NIM1K: variants seen among roughly 807,000 people sequenced by gnomAD.
NIM1K encodes the protein NIM1 serine/threonine protein kinase, also known as serine/threonine-protein kinase NIM1.
Under a neutral mutation model 37.1 loss-of-function variants are expected in NIM1K, and 35 were observed. That is an observed-to-expected ratio of 0.94 (90% CI 0.72 to 1.25). The LOEUF is 1.25. NIM1K is among the 50% of genes most tolerant of loss of function. NIM1K has a pLI of 0.00. For synonymous variants in NIM1K, 234 were observed against 206.6 expected (o/e 1.13, Z -1.14); for missense variants, 564 against 548.0 (o/e 1.03, Z -0.29).
intron 1 of NIM1K, among the ~76,000 whole-genome samples, chr5:43,236,789 G>A (rs1230991164): frequency 1.3e-5 from 2 of 152,240 alleles, no homozygotes; most frequent in Non-Finnish European, 2.9e-5. Context: ...AACTGGATGA[G>A]GGTAGACCTG....
intron 1 of NIM1K, among the ~76,000 whole-genome samples, chr5:43,223,245 T>C (rs1206970517): frequency 6.6e-6 from 1 of 152,072 alleles, no homozygotes; most frequent in Non-Finnish European, 1.5e-5. Context: ...CCTCCCTGCC[T>C]GGGCTTGAAT....
At chr5:43,232,049 C>T in intron 1 of NIM1K, 1 of 1,015,306 alleles carries the variant, frequency 9.8e-7, no homozygotes, top group Non-Finnish European at 1.5e-6. Flanking sequence ...ATGCACACAG[C>T]TCTCTGTGTC....
At chr5:43,256,108 G>A in intron 2 of NIM1K, among the ~76,000 whole-genome samples, 1 of 152,080 alleles carries the variant, frequency 6.6e-6, no homozygotes, top group East Asian at 1.9e-4. Flanking sequence ...GGGAACCAGG[G>A]ATTTCCTGGG....
intron 1 of NIM1K, among the ~76,000 whole-genome samples, chr5:43,239,763 G>C (rs1330025187): frequency 6.6e-6 from 1 of 152,060 alleles, no homozygotes; most frequent in Non-Finnish European, 1.5e-5. Flanking sequence ...CTGACCTCAG[G>C]TGATGCAGCA....
intron 1 of NIM1K, among the ~76,000 whole-genome samples, chr5:43,220,440 C>G (rs1579963004): frequency 6.6e-6 from 1 of 152,018 alleles, no homozygotes; most frequent in African/African-American, 2.4e-5. Context: ...TGGGCACCAC[C>G]ACGACTGGCT....
intron 1 of NIM1K, chr5:43,207,694 A>G (rs971263763): frequency 5.3e-5 from 28 of 527,110 alleles, no homozygotes; most frequent in Non-Finnish European, 9.5e-5. Flanking sequence ...AGAATTCTTC[A>G]TAGAACAGTT....
At chr5:43,246,559 G>A (rs1367344881) in intron 2 of NIM1K, among the ~76,000 whole-genome samples, 1 of 151,700 alleles carries the variant, frequency 6.6e-6, no homozygotes, top group Non-Finnish European at 1.5e-5. Context: ...TCCCCCCGAT[G>A]GGCGCTGTCT....
At chr5:43,196,942 CTTT>C (rs774125135) in intron 1 of NIM1K, among the ~76,000 whole-genome samples, 2 of 82,776 alleles carry the variant, frequency 2.4e-5, no homozygotes, top group East Asian at 5.9e-4. Flanking sequence ...CCATGCCCAG[CTTT>C]TTTTTTTTTT....
intron 1 of NIM1K, among the ~76,000 whole-genome samples, chr5:43,195,661 C>CAAAA (rs10556161): frequency 1.8e-5 from 2 of 112,088 alleles, no homozygotes; most frequent in Non-Finnish European, 1.8e-5. Context: ...ACTCTGAATC[C>CAAAA]AAAAAAAAAA....
chr5:43,201,061 G>A (rs1167946552), intron 1 of NIM1K, among the ~76,000 whole-genome samples: 1 of 150,212 alleles, frequency 6.7e-6, no homozygotes, highest in Non-Finnish European at 1.5e-5. Flanking sequence ...GGCGGCAGAG[G>A]TTGCAGTTAG....
chr5:43,280,734 C>T lies in NIM1K; in HGVS notation c.*5C>T. 1 of 1,584,124 alleles carries T rather than the reference C, an allele frequency of 6.3e-7. No homozygotes were observed. Among genetic ancestry groups the T allele is most frequent in the Admixed American group, 1.9e-5 (1 of 52,644 alleles). On this transcript the variant is annotated 3_prime_UTR_variant, in exon 4 of 4. Transcript: ENST00000326035. ...AAATTTTGCTCGATTTTATAAATTG[C>T]ACTAGACTGCTTGTAACTAACCAAG...
At chr5:43,209,738 C>G (rs1232253835) in intron 1 of NIM1K, among the ~76,000 whole-genome samples, 3 of 152,126 alleles carry the variant, frequency 2.0e-5, no homozygotes, top group African/African-American at 7.2e-5. Flanking sequence ...CCCACCAAAG[C>G]CTCCAGAGTA....
chr5:43,241,082 T>C lies in NIM1K; in HGVS notation c.-694-4000T>C, dbSNP rs142431891. On this transcript the variant is annotated intron_variant, in intron 1 of 3. Transcript: ENST00000326035. ...GTACCGATTTATACTTCAGTAACAA[T>C]GAATGAGAATTCCTGTTTCCCCATA... Among the ~76,000 whole-genome samples the C allele has an allele frequency of 2.8e-4, 43 of 152,168 alleles. No homozygotes were observed. In the East Asian group the frequency reaches 8.3e-3, roughly 29 times the overall value.
At chr5:43,274,496 A>T (rs1373223871) in intron 2 of NIM1K, among the ~76,000 whole-genome samples, 1 of 152,232 alleles carries the variant, frequency 6.6e-6, no homozygotes. Flanking sequence ...CCAACATGCT[A>T]CACAAAACCA....
At chr5:43,248,819 A>T (rs915782288) in intron 2 of NIM1K, among the ~76,000 whole-genome samples, 15 of 151,836 alleles carry the variant, frequency 9.9e-5, no homozygotes, top group African/African-American at 3.4e-4. Flanking sequence ...AGGTAAAGGC[A>T]GTCAGGCAGA....
At chr5:43,214,227 G>C (rs921212613) in intron 1 of NIM1K, among the ~76,000 whole-genome samples, 1 of 152,080 alleles carries the variant, frequency 6.6e-6, no homozygotes, top group Non-Finnish European at 1.5e-5. Flanking sequence ...CACATTCCCA[G>C]ATCACAGTAG....
chr5:43,263,362 A>C (rs1753066772), intron 2 of NIM1K, among the ~76,000 whole-genome samples: 1 of 152,112 alleles, frequency 6.6e-6, no homozygotes, highest in South Asian at 2.1e-4. Flanking sequence ...CCAGGAATTT[A>C]TCCATTTCTT....
intron 2 of NIM1K, among the ~76,000 whole-genome samples, chr5:43,251,508 C>T (rs1752866142): frequency 2.6e-5 from 4 of 152,252 alleles, no homozygotes; most frequent in Non-Finnish European, 5.9e-5. Flanking sequence ...GAGGCTGTCC[C>T]AAGGTTTAGA....
At chr5:43,232,591 G>T in intron 1 of NIM1K, 1 of 1,569,906 alleles carries the variant, frequency 6.4e-7, no homozygotes, top group Non-Finnish European at 8.7e-7. Flanking sequence ...GTGCTCCAGG[G>T]TGGTGTGGGA....
Sources: allele counts gnomAD v4.1 joint callset (sites outside exome capture counted in the v4.1 genomes callset), GRCh38; gene constraint gnomAD v4.1.1; transcripts MANE v1.5; gene names NCBI Gene and HGNC (gene_info 2026-07-23, HGNC 2026-07-21).